TSNARE1: variants seen among roughly 807,000 people sequenced by gnomAD.
TSNARE1 encodes t-SNARE domain containing 1.
In TSNARE1, 49 loss-of-function variants were observed where a neutral mutation model predicts 62.0. The ratio of observed to expected loss-of-function variants is 0.79; its 90% CI spans 0.63 to 1.00. The LOEUF (loss-of-function observed/expected upper bound fraction) is 1.00, where lower values mean the gene tolerates loss of function less well. TSNARE1 is among the 50% of genes least tolerant of loss of function. The pLI, the probability that TSNARE1 is intolerant of heterozygous loss-of-function variation, is 0.00. For missense variants in TSNARE1, 755 were observed against 700.1 expected (o/e 1.08, Z -0.88); for synonymous variants, 328 against 294.4 (o/e 1.11, Z -1.17).
Position 142,253,194 on chromosome 8 carries a change from G to A in TSNARE1, c.1446+21587C>T, listed in dbSNP as rs763823857. Among the ~76,000 whole-genome samples the A allele has an allele frequency of 3.3e-5, 5 of 152,344 alleles. No individual in the cohort carries two copies. In the East Asian group the frequency reaches 7.7e-4, roughly 24 times the overall value. ...TGGCGACAGCCCAGGCTGGCACTAC[G>A]GGTACGGGAGGAGGGCCGGTAGCCG... On this transcript the variant is annotated intron_variant, in intron 12 of 13. Transcript: ENST00000524325.
At chr8:142,280,088 G>A (rs368103396) in intron 11 of TSNARE1, 24 of 1,192,340 alleles carry the variant, frequency 2.0e-5, no homozygotes, top group African/African-American at 1.7e-4. Flanking sequence ...CTCCACACGC[G>A]GTGCTTTCGG....
chr8:142,273,847 G>C (rs966411743), intron 12 of TSNARE1: 4 of 985,198 alleles, frequency 4.1e-6, no homozygotes, highest in South Asian at 9.4e-5. Context: ...GACCCTCTGC[G>C]GGCACAGCTG....
rs114035654 is a variant in TSNARE1, at chr8:142,275,427, G to A, written c.1364-564C>T. 2.0e-3 allele frequency: 1,930 copies of A among 985,300 alleles called. 26 individuals carry two copies. In the African/African-American group the frequency reaches 0.031, roughly 16 times the overall value. The allele number at this position is 985,300 out of a possible 1,614,324, so 61.0% of individuals were successfully genotyped here. A position where few individuals can be genotyped will look rare whatever the true frequency, so the allele number is the denominator to read the frequency against. The stretch of plus-strand genomic sequence containing the variant: ...ATGGTACCTGGGAAAAGCCGGGCTC[G>A]GTGGCTGCAGCAGTGCCACCCAGGG... On this transcript the variant is annotated intron_variant, in intron 11 of 13. Coordinates refer to ENST00000524325, the MANE Select transcript of TSNARE1 (RefSeq NM_145003.5).
chr8:142,330,814 C>T (rs1231238708), intron 6 of TSNARE1, 87 bp downstream of exon 6: 6 of 1,371,550 alleles, frequency 4.4e-6, no homozygotes, highest in Non-Finnish European at 6.2e-6. Flanking sequence ...GGACAAAGCC[C>T]GTGTGCACAG....
chr8:142,389,710 G>A (rs6583622), intron 1 of TSNARE1, among the ~76,000 whole-genome samples: 30,679 of 152,106 alleles, frequency 0.2, 3,206 homozygotes, highest in East Asian at 0.28. Context: ...TTCGTCAAGG[G>A]AGGGAGGGAT....
intron 12 of TSNARE1, chr8:142,273,127 C>A (rs1402281596): frequency 1.0e-6 from 1 of 985,298 alleles, no homozygotes; most frequent in South Asian, 4.7e-5. Flanking sequence ...ACTGGGAATG[C>A]GGCACGGCGT....
intron 1 of TSNARE1, among the ~76,000 whole-genome samples, chr8:142,378,761 G>C (rs1836518722): frequency 6.6e-6 from 1 of 152,212 alleles, no homozygotes. Context: ...GCCTCAGGGA[G>C]CCAGTAAGCT....
chr8:142,255,077 G>A (rs1376394205), intron 12 of TSNARE1, among the ~76,000 whole-genome samples: 1 of 152,056 alleles, frequency 6.6e-6, no homozygotes, highest in Non-Finnish European at 1.5e-5. Flanking sequence ...ACAGCAGGGG[G>A]CAAGAGGAGA....
In TSNARE1 at chr8:142,224,774, G is replaced by A. The variant is rs561823868; in HGVS notation, c.*11+4699C>T. On this transcript the variant is annotated intron_variant, in intron 13 of 13. Coordinates refer to ENST00000524325, the MANE Select transcript of TSNARE1 (RefSeq NM_145003.5). ...CTCCCAGGCTGGCATGGCCTCACCC[G>A]CCACTCTGAATGGGATGTGTCCAGA... Among the ~76,000 whole-genome samples, 332 of 152,154 alleles carry A rather than the reference G, an allele frequency of 2.2e-3. 2 individuals carry two copies. The highest frequency in any genetic ancestry group is 7.1e-3 in the African/African-American group (294 of 41,522).
chr8:142,338,441 C>T (rs1227903704), intron 4 of TSNARE1, among the ~76,000 whole-genome samples: 1 of 152,212 alleles, frequency 6.6e-6, no homozygotes, highest in Non-Finnish European at 1.5e-5. Context: ...CACCGAGCCA[C>T]CCTGGACACC....
At chr8:142,214,995 C>G (rs1815761981) in intron 13 of TSNARE1, among the ~76,000 whole-genome samples, 1 of 152,230 alleles carries the variant, frequency 6.6e-6, no homozygotes, top group Non-Finnish European at 1.5e-5. Context: ...CCCAGCGCTT[C>G]CCACCTCAGG....
At chr8:142,212,802 A>C (rs549003435) in intron 13 of TSNARE1, among the ~76,000 whole-genome samples, 29 of 12,682 alleles carry the variant, frequency 2.3e-3, no homozygotes, top group African/African-American at 4.9e-3. Flanking sequence ...CTTCTCTCCA[A>C]TCCTTCCCCC....
chr8:142,282,090 G>C lies in TSNARE1; in HGVS notation c.1363+2323C>G, dbSNP rs370608735. 1.2e-4 allele frequency among the ~76,000 whole-genome samples: 18 copies of C among 152,348 alleles called. No individual in the cohort carries two copies. In the East Asian group the frequency reaches 2.9e-3, roughly 25 times the overall value. Reference sequence around the variant, plus strand: ...TCCTTTTCCAGAGGAACGCAGAGCTGAGGGCCCACGGTGCTGGCTGGGAGG... The same window carrying C: ...TCCTTTTCCAGAGGAACGCAGAGCTCAGGGCCCACGGTGCTGGCTGGGAGG... On this transcript the variant is annotated intron_variant, in intron 11 of 13. Coordinates refer to ENST00000524325, the MANE Select transcript of TSNARE1 (RefSeq NM_145003.5).
intron 12 of TSNARE1, among the ~76,000 whole-genome samples, chr8:142,253,680 G>A (rs1818288590): frequency 6.6e-6 from 1 of 152,232 alleles, no homozygotes; most frequent in African/African-American, 2.4e-5. Context: ...TCCTTGCAAG[G>A]CCTCAGGCAG....
intron 1 of TSNARE1, among the ~76,000 whole-genome samples, chr8:142,390,549 CTGTAA>C (rs1837432685): frequency 1.4e-5 from 1 of 70,772 alleles, no homozygotes; most frequent in Admixed American, 1.3e-4. Flanking sequence ...GCTGGGGACT[CTGTAA>C]CAGACGCTGT....
chr8:142,398,087 T>C (rs1045925664), intron 1 of TSNARE1, among the ~76,000 whole-genome samples: 1 of 152,080 alleles, frequency 6.6e-6, no homozygotes, highest in African/African-American at 2.4e-5. Flanking sequence ...TGCCTTCCCT[T>C]GGGCCTCCCG....
chr8:142,256,235 CCACCATCACCATCACCATCAT>C (rs1818536314), intron 12 of TSNARE1, among the ~76,000 whole-genome samples: 1 of 124,232 alleles, frequency 8.0e-6, no homozygotes, highest in Non-Finnish European at 1.7e-5. Context: ...ATCACCACCA[CCACCATCACCATCACCATCAT>C]CACCATCACC....
chr8:142,378,041 C>G (rs890768965), intron 1 of TSNARE1, among the ~76,000 whole-genome samples: 1 of 152,196 alleles, frequency 6.6e-6, no homozygotes, highest in African/African-American at 2.4e-5. Context: ...TTTCTGATAT[C>G]AAGACGCAGC....
intron 9 of TSNARE1, among the ~76,000 whole-genome samples, chr8:142,304,205 G>A (rs1260391580): frequency 7.2e-5 from 11 of 152,264 alleles, no homozygotes; most frequent in South Asian, 2.1e-4. Flanking sequence ...TGGAGTGGGC[G>A]GGAGGAAGTG....
Sources: gnomAD v4.1 joint callset for allele counts (sites outside exome capture counted in the v4.1 genomes callset) on GRCh38, gnomAD v4.1.1 for gene constraint, MANE v1.5 for transcripts, NCBI Gene and HGNC (gene_info 2026-07-23, HGNC 2026-07-21) for gene names.